Variants in MYO5C observed in about 807,000 individuals in gnomAD.
MYO5C encodes the protein unconventional myosin-Vc.
MYO5C carries 194 observed loss-of-function variants against 235.7 expected under a neutral mutation model. The ratio of observed to expected loss-of-function variants is 0.82; its 90% confidence interval spans 0.73 to 0.93. The LOEUF (loss-of-function observed/expected upper bound fraction) is 0.93. Among genes scored for constraint, MYO5C ranks in the 40% least tolerant of loss-of-function variants. MYO5C has a pLI of 0.00. For missense variants in MYO5C, 2,038 were observed against 2,127.2 expected (o/e 0.96, Z 0.82); for synonymous variants, 707 against 754.8 (o/e 0.94, Z 1.04).
In MYO5C at chr15:52,214,710, C is replaced by T. The variant is rs1391278186; in HGVS notation, c.3955-20G>A. ...AAGATCCTACAGCAATAAAAAGAAA[C>T]CAGGATTTAGCTTAGAAGCACTTTA... On this transcript the variant is annotated intron_variant, in intron 32 of 40. Coordinates refer to ENST00000261839, the MANE Select transcript of MYO5C (RefSeq NM_018728.4). 1 of 1,538,724 alleles carries T rather than the reference C, an allele frequency of 6.5e-7. No individual in the cohort carries two copies. The highest frequency in any genetic ancestry group is 8.8e-7 in the Non-Finnish European group (1 of 1,137,680).
At chr15:52,213,655 T>C (rs1481040326) in intron 33 of MYO5C, 2 of 187,462 alleles carry the variant, frequency 1.1e-5, no homozygotes, top group Non-Finnish European at 2.3e-5. Context: ...AATACCAATG[T>C]GCATGATCCT....
chr15:52,214,754 T>G (rs891582880), intron 32 of MYO5C, 64 bp from the exon 33 acceptor site: 54 of 982,576 alleles, frequency 5.5e-5, no homozygotes, highest in South Asian at 9.6e-5. Flanking sequence ...TTTTTTTTTT[T>G]GGGTAACAGC....
chr15:52,209,819 C>T (rs1308820160), intron 35 of MYO5C, among the ~76,000 whole-genome samples: 1 of 152,096 alleles, frequency 6.6e-6, no homozygotes, highest in African/African-American at 2.4e-5. Context: ...TATCCAGCAC[C>T]AAACAAATGT....
chr15:52,205,403 A>C (rs2035288079), intron 37 of MYO5C: 1 of 500,148 alleles, frequency 2.0e-6, no homozygotes, highest in African/African-American at 1.9e-5. Flanking sequence ...CTTCACAGGA[A>C]AGAAAGCTGC....
chr15:52,291,582 G>T (rs543585670), intron 1 of MYO5C, among the ~76,000 whole-genome samples: 1 of 151,872 alleles, frequency 6.6e-6, no homozygotes, highest in African/African-American at 2.4e-5. Context: ...AAACAGAAAC[G>T]ACGCCAGGGA....
At chr15:52,258,660 G>A (rs991456248) in intron 10 of MYO5C, among the ~76,000 whole-genome samples, 3 of 152,192 alleles carry the variant, frequency 2.0e-5, no homozygotes, top group South Asian at 2.1e-4. Context: ...TGGAGGGGGC[G>A]GGAAAGGCTT....
intron 4 of MYO5C, chr15:52,277,787 G>A (rs936493588): frequency 8.4e-5 from 38 of 453,270 alleles, no homozygotes; most frequent in Admixed American, 7.8e-4. Flanking sequence ...GAAGAAGCTC[G>A]GTCTAGCCCC....
At chr15:52,218,720 G>A in intron 31 of MYO5C, 33 bp from the exon 32 acceptor site, 1 of 1,608,020 alleles carries the variant, frequency 6.2e-7, no homozygotes, top group Non-Finnish European at 8.5e-7. Context: ...GCTGGTATCA[G>A]TATGACGGTC....
Position 52,252,940 on chromosome 15 carries a change from G to A in MYO5C, c.1536+377C>T, listed in dbSNP as rs74015645. 5.5e-3 allele frequency among the ~76,000 whole-genome samples: 837 copies of A among 152,310 alleles called. 9 individuals carry two copies. Among genetic ancestry groups the A allele is most frequent in the African/African-American group, 0.019 (793 of 41,568 alleles). Reference sequence around the variant, plus strand: ...AGAAAGCTCTTCTGGTGAATCATACGATGTTGATTTTTCTTGATGACTCAC... The same window carrying A: ...AGAAAGCTCTTCTGGTGAATCATACAATGTTGATTTTTCTTGATGACTCAC... On this transcript the variant is annotated intron_variant, in intron 12 of 40. Coordinates refer to ENST00000261839, the MANE Select transcript of MYO5C (RefSeq NM_018728.4).
intron 19 of MYO5C, chr15:52,242,795 G>C (rs2036256620): frequency 6.6e-6 from 1 of 152,114 alleles, no homozygotes; most frequent in Admixed American, 6.5e-5. Flanking sequence ...TGGGGAAAGT[G>C]GGTATGTGAG....
Position 52,289,430 on chromosome 15 carries a change from C to T in MYO5C, c.27+6180G>A, listed in dbSNP as rs1444859395. Among the ~76,000 whole-genome samples the T allele has an allele frequency of 3.3e-5, 5 of 152,364 alleles. No individual in the cohort carries two copies. In the South Asian group the frequency reaches 6.2e-4, roughly 19 times the overall value. On this transcript the variant is annotated intron_variant, in intron 1 of 40. Coordinates refer to ENST00000261839, the MANE Select transcript of MYO5C (RefSeq NM_018728.4). ...AAACTCCAGTGATGCCGACGCTCCT[C>T]CTTCCTAGCTCTCTTGCCCCTCATG...
intron 8 of MYO5C, among the ~76,000 whole-genome samples, chr15:52,267,201 C>T (rs916367235): frequency 6.6e-6 from 1 of 152,204 alleles, no homozygotes; most frequent in Non-Finnish European, 1.5e-5. Flanking sequence ...GAAAAGGTTT[C>T]ATGGAAGAAG....
At chr15:52,221,132 T>C (rs1371185218) in intron 30 of MYO5C, 30 bp downstream of exon 30, 2 of 1,565,216 alleles carry the variant, frequency 1.3e-6, no homozygotes. Flanking sequence ...AACCGTTTTC[T>C]AAAAGCAGGT....
At chr15:52,285,410 TCCTCTCCCTCCTCTC>T (rs1230923528) in intron 1 of MYO5C, among the ~76,000 whole-genome samples, 10 of 102,714 alleles carry the variant, frequency 9.7e-5, no homozygotes, top group Admixed American at 3.2e-4. Flanking sequence ...TCCCTCTCCC[TCCTCTCCCTCCTCTC>T]CCTCTCCCTC....
intron 38 of MYO5C, among the ~76,000 whole-genome samples, chr15:52,197,796 C>T (rs1183869125): frequency 1.3e-5 from 2 of 151,774 alleles, no homozygotes; most frequent in East Asian, 2.0e-4. Context: ...CCACTACACC[C>T]GGCTAATTTT....
intron 38 of MYO5C, among the ~76,000 whole-genome samples, chr15:52,199,378 T>A (rs2035131749): frequency 6.6e-6 from 1 of 152,198 alleles, no homozygotes; most frequent in Non-Finnish European, 1.5e-5. Flanking sequence ...CTCCATCTTG[T>A]CTGTCCCACT....
At chr15:52,287,555 C>T (rs1300473688) in intron 1 of MYO5C, among the ~76,000 whole-genome samples, 1 of 152,030 alleles carries the variant, frequency 6.6e-6, no homozygotes, top group Non-Finnish European at 1.5e-5. Context: ...AAAATATATG[C>T]CCCCCAAAAG....
chr15:52,212,032 C>A, intron 34 of MYO5C, 148 bp from the exon 35 acceptor site: 5 of 701,370 alleles, frequency 7.1e-6, no homozygotes, highest in Non-Finnish European at 1.1e-5. Flanking sequence ...TTGAGGAATT[C>A]CATCTGGCTC....
At chr15:52,231,240 T>C (rs79578261) in intron 24 of MYO5C, among the ~76,000 whole-genome samples, 5 of 152,182 alleles carry the variant, frequency 3.3e-5, no homozygotes, top group African/African-American at 7.2e-5. Context: ...GGGCCAGGAA[T>C]TCCCCCCTTG....
Sources: allele counts gnomAD v4.1 joint callset (sites outside exome capture counted in the v4.1 genomes callset), GRCh38; gene constraint gnomAD v4.1.1; transcripts MANE v1.5; gene names NCBI Gene and HGNC (gene_info 2026-07-23, HGNC 2026-07-21).